The following NMUR2 variants were observed in gnomAD, a reference collection of about 807,000 sequenced individuals.
The protein encoded by NMUR2 is neuromedin U receptor 2, also known as neuromedin-U receptor 2.
NMUR2 carries 24 observed loss-of-function variants against 25.1 expected under a neutral mutation model. That is an observed-to-expected ratio of 0.96 (90% CI 0.69 to 1.34). The LOEUF (loss-of-function observed/expected upper bound fraction) is 1.34. NMUR2 is among the 40% of genes most tolerant of loss of function. The pLI is 0.00. For missense variants in NMUR2, 533 were observed against 512.8 expected, an observed-to-expected ratio of 1.04 and a Z score of -0.38; for synonymous variants, 218 against 208.1, an observed-to-expected ratio of 1.05 and a Z score of -0.41.
Position 152,405,129 on chromosome 5 carries a change from G to A in NMUR2, c.-16C>T. ...TCCCTGACATTAAAATCCAAGGCCT[G>A]AGCCTCCCCTGGTACGAGGCTCTGT... On this transcript the variant is annotated 5_prime_UTR_variant, in exon 1 of 4. Coordinates refer to ENST00000255262, the MANE Select transcript of NMUR2 (RefSeq NM_020167.5). 6.3e-7 allele frequency: 1 copy of A among 1,584,822 alleles called. No individual in the cohort carries two copies. Among genetic ancestry groups the A allele is most frequent in the Non-Finnish European group, 8.6e-7 (1 of 1,164,700 alleles).
Position 152,404,628 on chromosome 5 carries a change from C to G in NMUR2, c.486G>C (p.Arg162=). The change falls in exon 1 of 4, where the codon CGG becomes CGC. Residue 162 remains arginine, a synonymous_variant. Coordinates refer to ENST00000255262, the MANE Select transcript of NMUR2 (RefSeq NM_020167.5). ...AGACGATGCCGAGGATCCTGAGGGCCCGGCGCCGGGTGCTCTGCAGTTTGG... is the reference window on the plus strand; with the variant it reads ...AGACGATGCCGAGGATCCTGAGGGCGCGGCGCCGGGTGCTCTGCAGTTTGG... The part of the protein sequence containing the change: ...FRAKLQSTRR[R]ALRILGIVWG... 4.3e-6 allele frequency: 7 copies of G among 1,614,064 alleles called. No individual in the cohort carries two copies. The highest frequency in any genetic ancestry group is 5.9e-6 in the Non-Finnish European group (7 of 1,180,024).
At chr5:152,393,571 G>A (rs1301190847) in intron 3 of NMUR2, among the ~76,000 whole-genome samples, 1 of 152,152 alleles carries the variant, frequency 6.6e-6, no homozygotes, top group East Asian at 1.9e-4. Flanking sequence ...TTGGGAGGTA[G>A]TGAATTAGAC....
chr5:152,397,072 A>G (rs1449782113), intron 2 of NMUR2, among the ~76,000 whole-genome samples: 1 of 145,648 alleles, frequency 6.9e-6, no homozygotes, highest in African/African-American at 2.5e-5. Flanking sequence ...GGGAGGGATA[A>G]TGAAGAAACT....
rs1333290375 is a variant in NMUR2, at chr5:152,404,769, C to T, written c.345G>A (p.Gly115=). The T allele has an allele frequency of 1.2e-6, 2 of 1,614,008 alleles. No homozygotes were observed. The highest frequency in any genetic ancestry group is 1.7e-6 in the Non-Finnish European group (2 of 1,180,050). ...CCGTCTTGAAGTAGCAGCCCACGGGCCCGAACAAGAAAGGGTAGTTGCGCC... is the reference window on the plus strand; with the variant it reads ...CCGTCTTGAAGTAGCAGCCCACGGGTCCGAACAAGAAAGGGTAGTTGCGCC... ...EMWRNYPFLF[G]PVGCYFKTAL... The change falls in exon 1 of 4, where the codon GGG becomes GGA. Residue 115 remains glycine, a synonymous_variant. Transcript: ENST00000255262.
Position 152,398,084 on chromosome 5 carries a change from T to A in NMUR2, c.787A>T (p.Arg263Ter). ...CACAGCATCTTGTTGACTGATTTTC[T>A]GCAGGGTCTTTGAATATTTGCATTC... ...EGNANIQRPC[R>*]KSVNKMLFVL... Residue 263 changes from arginine (R) to a stop codon, truncating the protein, a stop_gained, in exon 2 of 4, where the codon AGA becomes TGA. Coordinates refer to ENST00000255262, the MANE Select transcript of NMUR2 (RefSeq NM_020167.5). LOFTEE classifies it high-confidence loss of function. 1 of 1,613,538 alleles carries A rather than the reference T, an allele frequency of 6.2e-7. No homozygotes were observed. Among genetic ancestry groups the A allele is most frequent in the Non-Finnish European group, 8.5e-7 (1 of 1,179,638 alleles).
chr5:152,398,027 A>G, intron 2 of NMUR2, 33 bp downstream of exon 2: 1 of 1,531,876 alleles, frequency 6.5e-7, no homozygotes, highest in Non-Finnish European at 9.0e-7. Context: ...TCTTATGAAC[A>G]AAACAAAACA....
At chr5:152,404,140 C>T (rs533822600) in intron 1 of NMUR2, among the ~76,000 whole-genome samples, 7 of 152,110 alleles carry the variant, frequency 4.6e-5, no homozygotes, top group African/African-American at 1.2e-4. Flanking sequence ...CATTTAGATA[C>T]GAGAACCCCA....
chr5:152,393,397 C>CT (rs1667113415), intron 3 of NMUR2, among the ~76,000 whole-genome samples: 1 of 152,046 alleles, frequency 6.6e-6, no homozygotes, highest in Non-Finnish European at 1.5e-5. Context: ...CCTTGTTGTC[C>CT]TTATTTATGT....
chr5:152,400,627 T>C (rs1753236049), intron 1 of NMUR2, among the ~76,000 whole-genome samples: 1 of 152,156 alleles, frequency 6.6e-6, no homozygotes, highest in African/African-American at 2.4e-5. Context: ...GAGCAATGTA[T>C]CAAACTTCAA....
chr5:152,404,353 A>T (rs1210870914), intron 1 of NMUR2, 35 bp downstream of exon 1: 1 of 1,548,330 alleles, frequency 6.5e-7, no homozygotes, highest in South Asian at 1.2e-5. Flanking sequence ...AAAAGAAGGG[A>T]TGCTGCCTCA....
At chr5:152,396,644 A>G (rs1332815510) in intron 2 of NMUR2, among the ~76,000 whole-genome samples, 2 of 152,038 alleles carry the variant, frequency 1.3e-5, no homozygotes, top group African/African-American at 4.8e-5. Context: ...GCTCAGGCCT[A>G]TAATCCCAGC....
At chr5:152,393,085 C>T (rs980328881) in intron 3 of NMUR2, among the ~76,000 whole-genome samples, 4 of 152,168 alleles carry the variant, frequency 2.6e-5, no homozygotes, top group African/African-American at 9.7e-5. Flanking sequence ...TTCACATTGT[C>T]ATTTTCCTGT....
chr5:152,403,249 A>C (rs1054157772), intron 1 of NMUR2, among the ~76,000 whole-genome samples: 15 of 152,136 alleles, frequency 9.9e-5, no homozygotes, highest in Non-Finnish European at 1.8e-4. Flanking sequence ...ATTCCAGGAG[A>C]ATGATGTGGC....
chr5:152,392,755 C>T (rs1056391394), intron 3 of NMUR2, among the ~76,000 whole-genome samples: 8 of 152,168 alleles, frequency 5.3e-5, no homozygotes, highest in African/African-American at 1.9e-4. Context: ...CTGAGATGTT[C>T]AGCAACTTTC....
At chr5:152,399,007 A>G (rs1271547846) in intron 1 of NMUR2, among the ~76,000 whole-genome samples, 1 of 152,136 alleles carries the variant, frequency 6.6e-6, no homozygotes, top group Non-Finnish European at 1.5e-5. Context: ...CCTGTTCCTG[A>G]AAGACTTTGA....
chr5:152,394,022 T>A (rs1753106876), intron 3 of NMUR2, among the ~76,000 whole-genome samples: 2 of 147,308 alleles, frequency 1.4e-5, no homozygotes, highest in Admixed American at 1.4e-4. Flanking sequence ...AGATTTAGAT[T>A]TAATCTAGTG....
Position 152,395,514 on chromosome 5 carries a change from C to T in NMUR2, c.882G>A (p.Val294=), listed in dbSNP as rs763528678. Residue 294 remains valine (V), a synonymous_variant, in exon 3 of 4, where the codon GTG becomes GTA. Coordinates refer to ENST00000255262, the MANE Select transcript of NMUR2 (RefSeq NM_020167.5). ...FHIDRLFFSF[V]EEWSESLAAV... ...CAGCCAGGGATTCACTCCACTCCTCCACAAAGCTGAAGAAGAGTCGGTCAA... is the reference window on the plus strand; with the variant it reads ...CAGCCAGGGATTCACTCCACTCCTCTACAAAGCTGAAGAAGAGTCGGTCAA... 6.2e-7 allele frequency: 1 copy of T among 1,613,454 alleles called. No homozygotes were observed. Among genetic ancestry groups the T allele is most frequent in the African/African-American group, 1.3e-5 (1 of 74,782 alleles).
At chr5:152,403,861 T>C (rs1210073259) in intron 1 of NMUR2, among the ~76,000 whole-genome samples, 1 of 152,130 alleles carries the variant, frequency 6.6e-6, no homozygotes, top group Non-Finnish European at 1.5e-5. Context: ...ACTGAATACC[T>C]ATCTTGGACT....
At chr5:152,399,138 A>C (rs1476051349) in intron 1 of NMUR2, among the ~76,000 whole-genome samples, 1 of 152,014 alleles carries the variant, frequency 6.6e-6, no homozygotes, top group Non-Finnish European at 1.5e-5. Context: ...ATTTGTGGGG[A>C]TGTTTGGCCA....
Sources: gnomAD v4.1 joint callset for allele counts (sites outside exome capture counted in the v4.1 genomes callset) on GRCh38, gnomAD v4.1.1 for gene constraint, MANE v1.5 for transcripts, NCBI Gene and HGNC (gene_info 2026-07-23, HGNC 2026-07-21) for gene names.